SEMA5A: variants seen among roughly 807,000 people sequenced by gnomAD.
SEMA5A encodes semaphorin-5A.
SEMA5A carries 55 observed loss-of-function variants against 135.5 expected under a neutral mutation model. The observed-to-expected ratio is 0.41, with a 90% CI of 0.33 to 0.51. SEMA5A has a LOEUF of 0.51. Among genes scored for constraint, SEMA5A ranks in the 20% least tolerant of loss-of-function variants. SEMA5A has a pLI of 0.37. For missense variants in SEMA5A, 1,290 were observed against 1,419.9 expected (o/e 0.91, Z 1.47); for synonymous variants, 580 against 546.5 (o/e 1.06, Z -0.85).
intron 5 of SEMA5A, among the ~76,000 whole-genome samples, chr5:9,290,676 A>G (rs1334622771): frequency 6.6e-6 from 1 of 152,224 alleles, no homozygotes; most frequent in Non-Finnish European, 1.5e-5. Context: ...AGCGCTAGAT[A>G]TACAGAAACA....
intron 5 of SEMA5A, chr5:9,280,870 T>TTGTATG (rs1175607969): frequency 2.5e-6 from 1 of 401,844 alleles, no homozygotes; most frequent in East Asian, 7.3e-5. Flanking sequence ...CAATAAATAA[T>TTGTATG]TGTATGTGTA....
At chr5:9,259,787 G>C (rs1450991214) in intron 5 of SEMA5A, among the ~76,000 whole-genome samples, 2 of 89,172 alleles carry the variant, frequency 2.2e-5, no homozygotes, top group Non-Finnish European at 4.4e-5. Context: ...ACAAGAGAAA[G>C]CAGGAAAGAT....
In SEMA5A at chr5:9,187,790, A is replaced by G. The variant is rs114526112; in HGVS notation, c.1273+2477T>C. On this transcript the variant is annotated intron_variant, in intron 11 of 22. Coordinates refer to ENST00000382496, the MANE Select transcript of SEMA5A (RefSeq NM_003966.3). Reference sequence around the variant, plus strand: ...GCATTTGCCAAATGGCACATAGTATATCAATATCGGAATCAGATCTGCACA... The same window carrying G: ...GCATTTGCCAAATGGCACATAGTATGTCAATATCGGAATCAGATCTGCACA... Among the ~76,000 whole-genome samples the G allele has an allele frequency of 3.7e-3, 563 of 152,358 alleles. 6 individuals carry two copies. The highest frequency in any genetic ancestry group is 0.012 in the African/African-American group (490 of 41,592).
chr5:9,130,150 C>A (rs1052182235), intron 13 of SEMA5A, among the ~76,000 whole-genome samples: 3 of 152,122 alleles, frequency 2.0e-5, no homozygotes, highest in Non-Finnish European at 4.4e-5. Context: ...TTGTTCATGT[C>A]CATTTCATTA....
At chr5:9,458,248 T>C (rs112244972) in intron 1 of SEMA5A, among the ~76,000 whole-genome samples, 2 of 152,158 alleles carry the variant, frequency 1.3e-5, no homozygotes, top group African/African-American at 4.8e-5. Context: ...AAAGCCATTA[T>C]GTATCACAAT....
At chr5:9,503,034 T>A (rs117904602) in intron 1 of SEMA5A, among the ~76,000 whole-genome samples, 1 of 152,128 alleles carries the variant, frequency 6.6e-6, no homozygotes, top group South Asian at 2.1e-4. Context: ...CAAATAATGA[T>A]AGCACAGGGA....
intron 1 of SEMA5A, among the ~76,000 whole-genome samples, chr5:9,472,408 G>A (rs1561280736): frequency 6.6e-6 from 1 of 152,234 alleles, no homozygotes; most frequent in Non-Finnish European, 1.5e-5. Context: ...TCTGTGCTGT[G>A]AGAATAAGGT....
chr5:9,326,317 T>C (rs1294151332), intron 4 of SEMA5A, among the ~76,000 whole-genome samples: 1 of 152,140 alleles, frequency 6.6e-6, no homozygotes, highest in Non-Finnish European at 1.5e-5. Context: ...AGTGGCAGCA[T>C]CTCGGCTCAC....
At chr5:9,136,929 T>G (rs1182597463) in intron 12 of SEMA5A, among the ~76,000 whole-genome samples, 8 of 152,230 alleles carry the variant, frequency 5.3e-5, no homozygotes, top group Admixed American at 1.3e-4. Flanking sequence ...GATTCTACAA[T>G]GTTCAAAAAC....
At chr5:9,448,763 T>A (rs138732507) in intron 1 of SEMA5A, among the ~76,000 whole-genome samples, 4,991 of 152,298 alleles carry the variant, frequency 0.033, 146 homozygotes, top group Middle Eastern at 0.14. Context: ...GAAATCCAGG[T>A]GGCCCTGACA....
chr5:9,434,136 G>A (rs1381268119), intron 2 of SEMA5A, among the ~76,000 whole-genome samples: 1 of 152,178 alleles, frequency 6.6e-6, no homozygotes, highest in Non-Finnish European at 1.5e-5. Context: ...CACAAAAGAA[G>A]CAGGAAATGA....
chr5:9,140,686 A>G (rs1043848358), intron 12 of SEMA5A, among the ~76,000 whole-genome samples: 2 of 152,356 alleles, frequency 1.3e-5, no homozygotes, highest in South Asian at 2.1e-4. Flanking sequence ...TATTGACAAA[A>G]TAACATAGTG....
chr5:9,221,600 C>T (rs1387718446), intron 8 of SEMA5A, among the ~76,000 whole-genome samples: 1 of 152,068 alleles, frequency 6.6e-6, no homozygotes, highest in Non-Finnish European at 1.5e-5. Flanking sequence ...CCGCGCCTGG[C>T]CCCCCGAACA....
intron 16 of SEMA5A, among the ~76,000 whole-genome samples, chr5:9,094,158 G>A (rs1031452618): frequency 6.6e-6 from 1 of 152,124 alleles, no homozygotes; most frequent in Non-Finnish European, 1.5e-5. Flanking sequence ...GGGTTCCCTT[G>A]CACCAATTCT....
intron 7 of SEMA5A, 103 bp downstream of exon 7, chr5:9,226,766 G>T: frequency 1.2e-6 from 1 of 832,756 alleles, no homozygotes; most frequent in Non-Finnish European, 1.9e-6. Flanking sequence ...GAATTGAACA[G>T]CAACACCTTG....
intron 12 of SEMA5A, among the ~76,000 whole-genome samples, chr5:9,153,109 C>T (rs1250898573): frequency 6.6e-6 from 1 of 151,400 alleles, no homozygotes. Flanking sequence ...GTTCCATGAA[C>T]CCTAGCTTCT....
chr5:9,238,042 C>T, intron 5 of SEMA5A, 152 bp from the exon 6 acceptor site: 1 of 669,094 alleles, frequency 1.5e-6, no homozygotes, highest in Non-Finnish European at 2.6e-6. Flanking sequence ...ACACCAAATA[C>T]ATGAAATTTA....
chr5:9,391,179 A>C (rs1301469112), intron 2 of SEMA5A, among the ~76,000 whole-genome samples: 1 of 152,154 alleles, frequency 6.6e-6, no homozygotes, highest in East Asian at 1.9e-4. Context: ...TTTCTTAGAG[A>C]GGAAAATTTC....
intron 3 of SEMA5A, among the ~76,000 whole-genome samples, chr5:9,373,647 G>A (rs1755235772): frequency 6.6e-6 from 1 of 152,204 alleles, no homozygotes; most frequent in Non-Finnish European, 1.5e-5. Context: ...TGGGACCTGG[G>A]AATGGAAATC....
Sources: gnomAD v4.1 joint callset for allele counts (sites outside exome capture counted in the v4.1 genomes callset) on GRCh38, gnomAD v4.1.1 for gene constraint, MANE v1.5 for transcripts, NCBI Gene and HGNC (gene_info 2026-07-23, HGNC 2026-07-21) for gene names.